Variants in ROBO2 observed in about 807,000 individuals in gnomAD.
ROBO2 encodes roundabout homolog 2.
ROBO2 carries 53 observed loss-of-function variants against 160.8 expected under a neutral mutation model. That is an observed-to-expected ratio of 0.33 (90% CI 0.26 to 0.41). The LOEUF (loss-of-function observed/expected upper bound fraction) is 0.41. Among genes scored for constraint, ROBO2 ranks in the 10% least tolerant of loss-of-function variants. ROBO2 has a pLI of 1.00. For missense variants in ROBO2, 1,577 were observed against 1,722.4 expected (o/e 0.92, Z 1.49); for synonymous variants, 664 against 611.7 (o/e 1.09, Z -1.26).
At chr3:77,398,443 T>C (rs983806142) in intron 2 of ROBO2, among the ~76,000 whole-genome samples, 57 of 152,056 alleles carry the variant, frequency 3.7e-4, no homozygotes, top group African/African-American at 1.4e-3. Flanking sequence ...GGAGACTGAA[T>C]GTAGTAGAAT....
intron 2 of ROBO2, among the ~76,000 whole-genome samples, chr3:76,728,311 G>GT (rs1491039977): frequency 6.6e-6 from 1 of 152,112 alleles, no homozygotes; most frequent in Non-Finnish European, 1.5e-5. Flanking sequence ...GTCATTTCAT[G>GT]TTTTGAAAAA....
At chr3:76,682,583 T>C (rs1330981602) in intron 2 of ROBO2, among the ~76,000 whole-genome samples, 6 of 152,066 alleles carry the variant, frequency 3.9e-5, no homozygotes, top group Non-Finnish European at 5.9e-5. Context: ...AATTTTGGCA[T>C]TTTTAGTAGA....
chr3:76,961,604 G>T (rs546417967), intron 2 of ROBO2, among the ~76,000 whole-genome samples: 1 of 152,262 alleles, frequency 6.6e-6, no homozygotes, highest in East Asian at 1.9e-4. Flanking sequence ...ACACAGACCA[G>T]AGTTTGAACC....
At chr3:76,840,688 AAT>A (rs1189377553) in intron 2 of ROBO2, among the ~76,000 whole-genome samples, 4 of 145,414 alleles carry the variant, frequency 2.8e-5, no homozygotes, top group Non-Finnish European at 4.5e-5. Flanking sequence ...ATGAAGTAAG[AAT>A]ATGTTATCAT....
intron 2 of ROBO2, among the ~76,000 whole-genome samples, chr3:76,408,122 A>C (rs186462418): frequency 1.2e-4 from 19 of 152,212 alleles, no homozygotes; most frequent in Admixed American, 1.2e-3. Context: ...GTATAACAAA[A>C]ATAGTATAAT....
At chr3:77,045,374 A>C (rs2064540941) in intron 1 of ROBO2, among the ~76,000 whole-genome samples, 1 of 152,150 alleles carries the variant, frequency 6.6e-6, no homozygotes, top group African/African-American at 2.4e-5. Context: ...AGGTTTAAAT[A>C]CATGTTTGGA....
At chr3:76,767,058 G>A (rs2061613040) in intron 2 of ROBO2, among the ~76,000 whole-genome samples, 1 of 151,376 alleles carries the variant, frequency 6.6e-6, no homozygotes, top group African/African-American at 2.4e-5. Flanking sequence ...GATAAATATA[G>A]GAAAATAGAT....
chr3:77,445,159 G>GT (rs2153557398), intron 2 of ROBO2, among the ~76,000 whole-genome samples: 1 of 152,252 alleles, frequency 6.6e-6, no homozygotes, highest in African/African-American at 2.4e-5. Flanking sequence ...AGAAGATGAA[G>GT]ACAGGAGAGC....
intron 2 of ROBO2, among the ~76,000 whole-genome samples, chr3:76,789,490 C>G (rs1303928770): frequency 6.6e-6 from 1 of 151,538 alleles, no homozygotes; most frequent in East Asian, 2.0e-4. Flanking sequence ...GTTGTGCAGA[C>G]AGAAGCATGT....
intron 2 of ROBO2, among the ~76,000 whole-genome samples, chr3:76,048,995 G>A (rs997545714): frequency 1.3e-5 from 2 of 152,052 alleles, no homozygotes; most frequent in South Asian, 2.1e-4. Flanking sequence ...CAACATATTA[G>A]AGGCACATAT....
At chr3:77,452,184 A>G (rs2081189184) in intron 2 of ROBO2, among the ~76,000 whole-genome samples, 1 of 152,194 alleles carries the variant, frequency 6.6e-6, no homozygotes, top group South Asian at 2.1e-4. Flanking sequence ...ATTCATAGGC[A>G]AAATAATGTA....
chr3:77,138,307 C>A (rs2076436426), intron 2 of ROBO2, among the ~76,000 whole-genome samples: 1 of 152,130 alleles, frequency 6.6e-6, no homozygotes, highest in African/African-American at 2.4e-5. Flanking sequence ...CTCATATTAT[C>A]AATGAGAGTA....
chr3:77,355,515 G>A (rs1258374971), intron 2 of ROBO2, among the ~76,000 whole-genome samples: 3 of 152,104 alleles, frequency 2.0e-5, no homozygotes, highest in Non-Finnish European at 4.4e-5. Flanking sequence ...TTAAGGGAGA[G>A]GATAGGTCAC....
intron 1 of ROBO2, among the ~76,000 whole-genome samples, chr3:75,929,175 G>A (rs1947423364): frequency 5.6e-4 from 1 of 1,798 alleles, no homozygotes; most frequent in African/African-American, 1.9e-3. Flanking sequence ...GATAAGACGT[G>A]TGTGTGTGTG....
chr3:76,858,554 G>A (rs1180978037), intron 2 of ROBO2, among the ~76,000 whole-genome samples: 1 of 152,106 alleles, frequency 6.6e-6, no homozygotes, highest in Admixed American at 6.5e-5. Flanking sequence ...GTGAGCCACG[G>A]CACCTGGTCA....
At chr3:77,169,332 T>G (rs974161434) in intron 2 of ROBO2, among the ~76,000 whole-genome samples, 5 of 152,210 alleles carry the variant, frequency 3.3e-5, no homozygotes, top group African/African-American at 1.2e-4. Context: ...ATAGCCCTGT[T>G]TGAATTTTTG....
intron 2 of ROBO2, among the ~76,000 whole-genome samples, chr3:76,130,234 T>C (rs1338513153): frequency 6.6e-6 from 1 of 152,100 alleles, no homozygotes. Context: ...CTAGAAACTT[T>C]TACCCAAGAG....
At chr3:76,668,068 A>C (rs893965682) in intron 2 of ROBO2, among the ~76,000 whole-genome samples, 41 of 152,274 alleles carry the variant, frequency 2.7e-4, no homozygotes, top group South Asian at 1.0e-3. Context: ...AAAAATCCCC[A>C]TAGAGACCAA....
chr3:77,447,814 G>A (rs1013532857), intron 2 of ROBO2, among the ~76,000 whole-genome samples: 1 of 152,034 alleles, frequency 6.6e-6, no homozygotes, highest in Non-Finnish European at 1.5e-5. Flanking sequence ...TTCATGTTTG[G>A]TTGTCTTGTT....
Sources: allele counts gnomAD v4.1 joint callset (sites outside exome capture counted in the v4.1 genomes callset), GRCh38; gene constraint gnomAD v4.1.1; transcripts MANE v1.5; gene names NCBI Gene and HGNC (gene_info 2026-07-23, HGNC 2026-07-21).